Variants in HDAC9 observed in about 807,000 individuals in gnomAD.
The protein encoded by HDAC9 is MEF-2 interacting transcription repressor (MITR) protein.
Under a neutral mutation model 139.4 loss-of-function variants are expected in HDAC9, and 41 were observed. The observed-to-expected ratio is 0.29, with a 90% CI of 0.23 to 0.38. The LOEUF (loss-of-function observed/expected upper bound fraction) is 0.38, where lower values mean the gene tolerates loss of function less well. HDAC9 is among the 10% of genes least tolerant of loss of function. The pLI is 1.00. For missense variants in HDAC9, 1,147 were observed against 1,297.0 expected, an observed-to-expected ratio of 0.88 and a Z score of 1.78; for synonymous variants, 517 against 476.2, an observed-to-expected ratio of 1.09 and a Z score of -1.12.
chr7:18,833,684 G>T (rs1001323800), intron 19 of HDAC9, among the ~76,000 whole-genome samples: 1 of 152,086 alleles, frequency 6.6e-6, no homozygotes, highest in Non-Finnish European at 1.5e-5. Context: ...TCCTGATGAT[G>T]TATGTCTTTA....
chr7:18,784,376 G>T (rs973457895), intron 16 of HDAC9, among the ~76,000 whole-genome samples: 17 of 151,750 alleles, frequency 1.1e-4, no homozygotes, highest in Non-Finnish European at 1.9e-4. Flanking sequence ...CCAAAAGCTA[G>T]CTCAAGAATT....
chr7:18,138,772 A>C (rs1391573737), intron 1 of HDAC9, among the ~76,000 whole-genome samples: 1 of 152,084 alleles, frequency 6.6e-6, no homozygotes, highest in Non-Finnish European at 1.5e-5. Context: ...CAGTGTAAGA[A>C]ATTGAGAAAA....
At chr7:18,726,014 A>G (rs924742748) in intron 12 of HDAC9, among the ~76,000 whole-genome samples, 3 of 152,250 alleles carry the variant, frequency 2.0e-5, no homozygotes, top group Admixed American at 6.5e-5. Context: ...AGAAGTAACA[A>G]CATACACATT....
At chr7:18,653,849 T>G (rs1790175587) in intron 11 of HDAC9, among the ~76,000 whole-genome samples, 1 of 152,180 alleles carries the variant, frequency 6.6e-6, no homozygotes, top group Non-Finnish European at 1.5e-5. Flanking sequence ...TGACATAATT[T>G]TCTAACATGA....
chr7:18,251,145 G>T (rs1487434882), intron 2 of HDAC9, among the ~76,000 whole-genome samples: 1 of 152,156 alleles, frequency 6.6e-6, no homozygotes. Context: ...AGAAATTATG[G>T]TCCATATACA....
intron 17 of HDAC9, among the ~76,000 whole-genome samples, chr7:18,817,665 T>A (rs560218657): frequency 7.4e-4 from 113 of 152,320 alleles, no homozygotes; most frequent in African/African-American, 2.6e-3. Flanking sequence ...TTTTGTTCTG[T>A]CATCAGGTAA....
At chr7:18,694,480 GCAAGAAATGGT>G (rs1169269366) in intron 12 of HDAC9, among the ~76,000 whole-genome samples, 3 of 151,994 alleles carry the variant, frequency 2.0e-5, no homozygotes, top group Non-Finnish European at 4.4e-5. Context: ...TGTTCAGAGG[GCAAGAAATGGT>G]CAAGAACTGG....
At chr7:18,885,071 GA>G (rs1299602162) in intron 22 of HDAC9, among the ~76,000 whole-genome samples, 1 of 152,196 alleles carries the variant, frequency 6.6e-6, no homozygotes, top group Admixed American at 6.5e-5. Context: ...AATACGTTGG[GA>G]ATTACAATTT....
At chr7:18,233,285 A>G (rs1377068118) in intron 2 of HDAC9, among the ~76,000 whole-genome samples, 1 of 152,020 alleles carries the variant, frequency 6.6e-6, no homozygotes, top group Non-Finnish European at 1.5e-5. Context: ...AATTTGTTTT[A>G]CACCTTTACT....
chr7:18,179,063 C>T (rs78230076), intron 2 of HDAC9, among the ~76,000 whole-genome samples: 6,413 of 152,268 alleles, frequency 0.042, 179 homozygotes, highest in Non-Finnish European at 0.065. Context: ...TGGAATGTAT[C>T]TGGTCAAATG....
intron 1 of HDAC9, among the ~76,000 whole-genome samples, chr7:18,148,017 C>T (rs1238370399): frequency 6.6e-6 from 1 of 152,024 alleles, no homozygotes; most frequent in Non-Finnish European, 1.5e-5. Context: ...TAGACTGTTT[C>T]CAGAATTTCT....
chr7:18,464,656 T>C (rs1486261666), intron 1 of HDAC9, among the ~76,000 whole-genome samples: 1 of 152,024 alleles, frequency 6.6e-6, no homozygotes, highest in Non-Finnish European at 1.5e-5. Flanking sequence ...TATACAGTAT[T>C]GCTATACTGG....
intron 12 of HDAC9, among the ~76,000 whole-genome samples, chr7:18,716,990 CTTTTTTTTTTT>C (rs528916567): frequency 5.2e-5 from 6 of 115,148 alleles, no homozygotes; most frequent in African/African-American, 9.8e-5. Context: ...CTCGTTAGCA[CTTTTTTTTTTT>C]TTTTTTTTTT....
At chr7:18,162,516 T>C (rs1399625883) in intron 2 of HDAC9, 3 of 625,782 alleles carry the variant, frequency 4.8e-6, no homozygotes, top group Non-Finnish European at 8.4e-6. Context: ...TAATTCTCTA[T>C]TGCTTAACCC....
At chr7:18,565,172 T>G (rs1442308238) in intron 2 of HDAC9, among the ~76,000 whole-genome samples, 2 of 152,000 alleles carry the variant, frequency 1.3e-5, no homozygotes, top group Admixed American at 1.3e-4. Flanking sequence ...AATTTTGTAT[T>G]TTTAGTACAG....
chr7:18,512,308 A>G (rs1169869635), intron 2 of HDAC9, among the ~76,000 whole-genome samples: 1 of 152,202 alleles, frequency 6.6e-6, no homozygotes, highest in Non-Finnish European at 1.5e-5. Flanking sequence ...TTGAAATAAT[A>G]AAGAGTTCAC....
intron 12 of HDAC9, among the ~76,000 whole-genome samples, chr7:18,684,779 T>A (rs1212642178): frequency 6.6e-6 from 1 of 151,962 alleles, no homozygotes; most frequent in East Asian, 1.9e-4. Flanking sequence ...CATATATTTA[T>A]ATGTATATGT....
chr7:18,148,163 G>C (rs557192031), intron 1 of HDAC9, among the ~76,000 whole-genome samples: 31 of 152,284 alleles, frequency 2.0e-4, no homozygotes, highest in African/African-American at 7.0e-4. Context: ...AAGTGTGCTG[G>C]CTTGAAACAA....
intron 13 of HDAC9, among the ~76,000 whole-genome samples, chr7:18,729,592 G>T (rs1785855570): frequency 1.3e-5 from 2 of 152,084 alleles, no homozygotes; most frequent in Non-Finnish European, 2.9e-5. Flanking sequence ...CAGATGCAAG[G>T]GTAGACTGTA....
Sources: gnomAD v4.1 joint callset for allele counts (sites outside exome capture counted in the v4.1 genomes callset) on GRCh38, gnomAD v4.1.1 for gene constraint, MANE v1.5 for transcripts, NCBI Gene and HGNC (gene_info 2026-07-23, HGNC 2026-07-21) for gene names.